Variants in KCNIP4 observed in about 807,000 individuals in gnomAD.
The protein encoded by KCNIP4 is Kv channel-interacting protein 4.
Under a neutral mutation model 34.0 loss-of-function variants are expected in KCNIP4, and 12 were observed. That is an observed-to-expected ratio of 0.35 (90% CI 0.23 to 0.57). The LOEUF is 0.57. Ranked by LOEUF, KCNIP4 falls within the 20% of genes least tolerant of loss-of-function variation. The pLI, the probability that KCNIP4 is intolerant of heterozygous loss-of-function variation, is 0.83. For synonymous variants in KCNIP4, 124 were observed against 102.2 expected (o/e 1.21, Z -1.29); for missense variants, 238 against 311.7 (o/e 0.76, Z 1.78).
In KCNIP4 at chr4:21,362,368, C is replaced by T. The variant is rs146124322; in HGVS notation, c.62-479659G>A. On this transcript the variant is annotated intron_variant, in intron 1 of 8. Coordinates refer to ENST00000382152, the MANE Select transcript of KCNIP4 (RefSeq NM_025221.6). Reference sequence around the variant, plus strand: ...TCCTGACCCAGAACTTGCCATTCTGCCAACTGCTGTTCATAAAATTGAAAT... The same window carrying T: ...TCCTGACCCAGAACTTGCCATTCTGTCAACTGCTGTTCATAAAATTGAAAT... Among the ~76,000 whole-genome samples, 231 of 152,132 alleles carry T rather than the reference C, an allele frequency of 1.5e-3. 3 individuals are homozygous for T. Among genetic ancestry groups the T allele is most frequent in the African/African-American group, 5.2e-3 (215 of 41,506 alleles).
At chr4:21,308,861 C>T (rs185314472) in intron 1 of KCNIP4, among the ~76,000 whole-genome samples, 12 of 152,112 alleles carry the variant, frequency 7.9e-5, no homozygotes, top group Admixed American at 1.3e-4. Flanking sequence ...CTGTTTCAGG[C>T]GCCCCCATTT....
At chr4:20,858,464 A>T (rs78000072) in intron 2 of KCNIP4, among the ~76,000 whole-genome samples, 5 of 152,132 alleles carry the variant, frequency 3.3e-5, no homozygotes, top group Admixed American at 3.3e-4. Flanking sequence ...ACACTGATAA[A>T]AGCAGGTCTT....
At chr4:21,046,831 T>C (rs28535913) in intron 1 of KCNIP4, among the ~76,000 whole-genome samples, 4,195 of 152,224 alleles carry the variant, frequency 0.028, 166 homozygotes, top group African/African-American at 0.095. Context: ...CTTCAGGTAA[T>C]CCACCCGCCT....
intron 1 of KCNIP4, among the ~76,000 whole-genome samples, chr4:21,938,128 A>T (rs914926043): frequency 6.6e-6 from 1 of 152,194 alleles, no homozygotes; most frequent in African/African-American, 2.4e-5. Context: ...TGCCTGAAAC[A>T]TTCAAAATTC....
In KCNIP4 at chr4:21,651,288, A is replaced by G. The variant is rs565714617; in HGVS notation, c.61+297283T>C. On this transcript the variant is annotated intron_variant, in intron 1 of 8. Transcript: ENST00000382152. ...GGGAGTATCATAAAGCCAAGGCCTG[A>G]GGCAAGGCAAGTAAGCTGCTATCTT... is the stretch of plus-strand genomic sequence containing the variant. 1.1e-4 allele frequency among the ~76,000 whole-genome samples: 17 copies of G among 152,304 alleles called. 1 individual carries two copies. Among genetic ancestry groups the G allele is most frequent in the Admixed American group, 1.1e-3 (17 of 15,290 alleles).
chr4:21,184,335 C>T (rs1577848969), intron 1 of KCNIP4, among the ~76,000 whole-genome samples: 1 of 152,260 alleles, frequency 6.6e-6, no homozygotes, highest in African/African-American at 2.4e-5. Flanking sequence ...CAGTAAGAAT[C>T]TTAGCCCTCT....
chr4:20,810,356 G>C (rs1578673323), intron 3 of KCNIP4, among the ~76,000 whole-genome samples: 1 of 151,202 alleles, frequency 6.6e-6, no homozygotes, highest in Admixed American at 6.6e-5. Flanking sequence ...CCTCAGGTCA[G>C]AGACAATATC....
intron 1 of KCNIP4, among the ~76,000 whole-genome samples, chr4:21,362,422 A>G (rs1486358143): frequency 2.6e-5 from 4 of 152,110 alleles, no homozygotes; most frequent in Non-Finnish European, 5.9e-5. Context: ...AAAATCATTA[A>G]TTTTGCAAAA....
At chr4:21,484,668 A>T (rs998194288) in intron 1 of KCNIP4, among the ~76,000 whole-genome samples, 1 of 152,056 alleles carries the variant, frequency 6.6e-6, no homozygotes, top group Non-Finnish European at 1.5e-5. Flanking sequence ...CTCATTGTTT[A>T]TATGTTTAGC....
At chr4:20,884,315 C>T (rs1725043612) in intron 1 of KCNIP4, among the ~76,000 whole-genome samples, 1 of 152,004 alleles carries the variant, frequency 6.6e-6, no homozygotes. Flanking sequence ...CCTATCAGCC[C>T]ATCATCTAGG....
intron 1 of KCNIP4, among the ~76,000 whole-genome samples, chr4:21,787,993 A>G (rs1176336829): frequency 6.6e-6 from 1 of 152,084 alleles, no homozygotes; most frequent in South Asian, 2.1e-4. Flanking sequence ...GAAAAAAAAA[A>G]AGAGAGATGG....
chr4:21,631,650 A>G (rs954316396), intron 1 of KCNIP4, among the ~76,000 whole-genome samples: 3 of 152,112 alleles, frequency 2.0e-5, no homozygotes, highest in African/African-American at 4.8e-5. Context: ...ACACCTCCTC[A>G]ATCTGGGTCA....
At chr4:21,932,086 G>T (rs1729601257) in intron 1 of KCNIP4, among the ~76,000 whole-genome samples, 1 of 152,052 alleles carries the variant, frequency 6.6e-6, no homozygotes. Flanking sequence ...ACACAGACAA[G>T]CTCTGTGTGG....
chr4:21,661,649 C>A lies in KCNIP4; in HGVS notation c.61+286922G>T, dbSNP rs549587109. Reference sequence around the variant, plus strand: ...AACACTGTGGCTCAGAGTGATGAGCCAAATTGGCCAGAGTGACTAAGACAC... The same window carrying A: ...AACACTGTGGCTCAGAGTGATGAGCAAAATTGGCCAGAGTGACTAAGACAC... On this transcript the variant is annotated intron_variant, in intron 1 of 8. Transcript: ENST00000382152. 5.9e-5 allele frequency among the ~76,000 whole-genome samples: 9 copies of A among 152,086 alleles called. No homozygotes were observed. In the South Asian group the frequency reaches 1.9e-3, roughly 32 times the overall value.
intron 1 of KCNIP4, among the ~76,000 whole-genome samples, chr4:21,322,698 T>C (rs1714630684): frequency 6.6e-6 from 1 of 152,032 alleles, no homozygotes; most frequent in Non-Finnish European, 1.5e-5. Flanking sequence ...GTTTAATGTT[T>C]GTTGAGAAGC....
At chr4:21,758,839 C>G (rs556912773) in intron 1 of KCNIP4, among the ~76,000 whole-genome samples, 6 of 152,240 alleles carry the variant, frequency 3.9e-5, no homozygotes, top group Admixed American at 1.3e-4. Flanking sequence ...CTGGTTAAAA[C>G]CTCCACTGCC....
intron 1 of KCNIP4, among the ~76,000 whole-genome samples, chr4:20,915,141 C>G (rs183783346): frequency 6.6e-6 from 1 of 152,178 alleles, no homozygotes; most frequent in Admixed American, 6.5e-5. Context: ...TTTTTCAAAG[C>G]GCCAACAAAC....
intron 1 of KCNIP4, among the ~76,000 whole-genome samples, chr4:20,965,857 A>C (rs1734291193): frequency 6.6e-6 from 1 of 152,216 alleles, no homozygotes; most frequent in Admixed American, 6.5e-5. Context: ...AATAATACTG[A>C]GGCTAACTTA....
chr4:20,729,337 A>G lies in KCNIP4; in HGVS notation c.*745T>C, dbSNP rs573763624. The G allele has an allele frequency of 3.3e-5, 5 of 151,798 alleles. No homozygotes were observed. Among genetic ancestry groups the G allele is most frequent in the African/African-American group, 1.2e-4 (5 of 41,518 alleles). The allele number at this position is 151,798 out of a possible 1,614,324, so 9.4% of individuals were successfully genotyped here. Reference sequence around the variant, plus strand: ...AATGATTGATACTAATGATTGATACAATAGAAAACAGCCTGTAAGAAAGAT... The same window carrying G: ...AATGATTGATACTAATGATTGATACGATAGAAAACAGCCTGTAAGAAAGAT... On this transcript the variant is annotated 3_prime_UTR_variant, in exon 9 of 9. Coordinates refer to ENST00000382152, the MANE Select transcript of KCNIP4 (RefSeq NM_025221.6).
Sources: gnomAD v4.1 joint callset for allele counts (sites outside exome capture counted in the v4.1 genomes callset) on GRCh38, gnomAD v4.1.1 for gene constraint, MANE v1.5 for transcripts, NCBI Gene and HGNC (gene_info 2026-07-23, HGNC 2026-07-21) for gene names.